The following AZIN2 variants were observed in gnomAD, a reference collection of about 807,000 sequenced individuals.
AZIN2 encodes ODC antizyme inhibitor-2.
AZIN2 carries 28 observed loss-of-function variants against 47.8 expected under a neutral mutation model. That is an observed-to-expected ratio of 0.59 (90% CI 0.43 to 0.80). The LOEUF is 0.80. Among genes scored for constraint, AZIN2 ranks in the 30% least tolerant of loss-of-function variants. The probability of loss-of-function intolerance (pLI) is 0.00; values close to 1 mark genes in which losing one functional copy is unlikely to be tolerated. For synonymous variants in AZIN2, 221 were observed against 239.4 expected (o/e 0.92, Z 0.71); for missense variants, 535 against 582.5 (o/e 0.92, Z 0.84).
chr1:33,100,372 T>A (rs1643583911), intron 10 of AZIN2, among the ~76,000 whole-genome samples: 1 of 152,104 alleles, frequency 6.6e-6, no homozygotes, highest in Non-Finnish European at 1.5e-5. Flanking sequence ...ACATAATCCT[T>A]GGCTCAAGAT....
At position 33,081,959 on chromosome 1, in the gene AZIN2, A is replaced by G. The variant is rs1641309903; in HGVS notation, c.-73+147A>G. The G allele has an allele frequency of 2.4e-6, 1 of 413,662 alleles. No homozygotes were observed. The highest frequency in any genetic ancestry group is 7.3e-4 in the Middle Eastern group (1 of 1,364). 25.6% of individuals were successfully genotyped at this position (413,662 alleles called of 1,614,324 possible). A position where few individuals can be genotyped will look rare whatever the true frequency, so the allele number is the denominator to read the frequency against. ...CCAAAACAATTCATCCATTTTACAG[A>G]GGGAGCAACTGACTCGGAGAGGCAG... On this transcript the variant is annotated intron_variant, in intron 3 of 11. Coordinates refer to ENST00000294517, the MANE Select transcript of AZIN2 (RefSeq NM_052998.4). This position sits in a 1 kb window ranked among gnomAD's most constrained non-coding sequence, Gnocchi z 4.2.
At chr1:33,158,519 G>T in the AZIN2 span, 1 of 628,990 alleles carries the variant, frequency 1.6e-6, no homozygotes, top group East Asian at 2.8e-5. Context: ...TGCTTGTGCT[G>T]CTTCTGGCCT....
intron 5 of AZIN2, among the ~76,000 whole-genome samples, chr1:33,088,270 C>T (rs929722452): frequency 6.6e-6 from 1 of 152,172 alleles, no homozygotes; most frequent in Admixed American, 6.5e-5. Context: ...AGGGCCCCCT[C>T]AGTCTGCTGG....
chr1:33,159,612 G>C, the AZIN2 span: 3 of 1,511,040 alleles, frequency 2.0e-6, no homozygotes, highest in Admixed American at 6.2e-5. The surrounding 1 kb of genome is among the most constrained non-coding windows in gnomAD (Gnocchi z 4.2). Context: ...GATCCCATCT[G>C]CCTCCACTCC....
chr1:33,099,612 C>T (rs1481416701), intron 10 of AZIN2, among the ~76,000 whole-genome samples: 1 of 152,210 alleles, frequency 6.6e-6, no homozygotes, highest in African/African-American at 2.4e-5. Context: ...AGATGATGGT[C>T]CCAGCCCACT....
At chr1:33,137,481 A>G in the AZIN2 span, among the ~76,000 whole-genome samples, 2 of 152,218 alleles carry the variant, frequency 1.3e-5, no homozygotes, top group African/African-American at 2.4e-5. Flanking sequence ...TTGAGAGAAA[A>G]CAGAGCATTT....
At chr1:33,105,568 T>C (rs1643961458) in intron 10 of AZIN2, among the ~76,000 whole-genome samples, 1 of 152,118 alleles carries the variant, frequency 6.6e-6, no homozygotes, top group East Asian at 1.9e-4. Flanking sequence ...AAGGGGGAAC[T>C]TCCAAACACT....
chr1:33,095,885 G>A (rs183199586), intron 8 of AZIN2, among the ~76,000 whole-genome samples: 26 of 152,200 alleles, frequency 1.7e-4, no homozygotes, highest in African/African-American at 4.6e-4. Context: ...TCACCCAGGC[G>A]TGAGTGCAGT....
At chr1:33,084,155 C>T in intron 5 of AZIN2, 28 bp downstream of exon 5, 1 of 1,602,274 alleles carries the variant, frequency 6.2e-7, no homozygotes, top group South Asian at 1.1e-5. Flanking sequence ...GGTGCACTGA[C>T]CCTCCATGCC....
At chr1:33,138,598 C>T in the AZIN2 span, among the ~76,000 whole-genome samples, 6 of 137,764 alleles carry the variant, frequency 4.4e-5, no homozygotes, top group Admixed American at 8.1e-5. Flanking sequence ...GGTGACAGAG[C>T]GAGATCCTGT....
chr1:33,091,998 G>A (rs907654006), intron 5 of AZIN2, 52 bp from the exon 6 acceptor site: 26 of 1,584,336 alleles, frequency 1.6e-5, no homozygotes, highest in South Asian at 8.1e-5. Flanking sequence ...CTTGGGCTCC[G>A]TGGGCTAGCA....
rs78977055 is a variant in AZIN2 at position 33,104,329 on chromosome 1, G to A, written c.1029+6150G>A. 3.1e-3 allele frequency among the ~76,000 whole-genome samples: 474 copies of A among 152,260 alleles called. 14 individuals carry two copies. In the East Asian group the frequency reaches 0.08, roughly 26 times the overall value. ...GAAGTTTTTTCTTGCACATAGAAATGAGCTTGCATATGCATGTGTGCATGT... is the reference window on the plus strand; with the variant it reads ...GAAGTTTTTTCTTGCACATAGAAATAAGCTTGCATATGCATGTGTGCATGT... On this transcript the variant is annotated intron_variant, in intron 10 of 11. Transcript: ENST00000294517.
the AZIN2 span, among the ~76,000 whole-genome samples, chr1:33,130,152 C>G: frequency 6.6e-6 from 1 of 152,188 alleles, no homozygotes; most frequent in Non-Finnish European, 1.5e-5. Context: ...AACCACTGCA[C>G]CTGGCCGTAG....
At chr1:33,140,799 C>T in the AZIN2 span, among the ~76,000 whole-genome samples, 1 of 152,200 alleles carries the variant, frequency 6.6e-6, no homozygotes. The surrounding 1 kb of genome is among the most constrained non-coding windows in gnomAD (Gnocchi z 4.0). Flanking sequence ...CCAGCTCTCT[C>T]TTCTCCTTGG....
intron 10 of AZIN2, among the ~76,000 whole-genome samples, chr1:33,105,365 A>G (rs185638250): frequency 1.2e-4 from 18 of 152,330 alleles, no homozygotes; most frequent in African/African-American, 4.1e-4. Flanking sequence ...GTGCTCTAAA[A>G]TAATACATAT....
chr1:33,103,247 G>C (rs967903890), intron 10 of AZIN2, among the ~76,000 whole-genome samples: 1 of 152,014 alleles, frequency 6.6e-6, no homozygotes, highest in Admixed American at 6.5e-5. Flanking sequence ...ATAAAACCTA[G>C]ACTCCTTACC....
At chr1:33,162,273 A>T in the AZIN2 span, among the ~76,000 whole-genome samples, 1 of 152,100 alleles carries the variant, frequency 6.6e-6, no homozygotes, top group Non-Finnish European at 1.5e-5. Flanking sequence ...CCCTAGCGCC[A>T]CTGCATTGCA....
chr1:33,105,425 G>A (rs983725613), intron 10 of AZIN2, among the ~76,000 whole-genome samples: 1 of 152,204 alleles, frequency 6.6e-6, no homozygotes, highest in Admixed American at 6.5e-5. Flanking sequence ...GAATACCCAA[G>A]AATGGGTAAT....
At chr1:33,143,351 G>C in the AZIN2 span, 1 of 152,294 alleles carries the variant, frequency 6.6e-6, no homozygotes, top group Admixed American at 6.5e-5. Flanking sequence ...CGCCATGGAG[G>C]GGGTGCTCCG....
Sources: gnomAD v4.1 joint callset for allele counts (sites outside exome capture counted in the v4.1 genomes callset) on GRCh38, gnomAD v4.1.1 for gene constraint, Gnocchi (gnomAD v3.1) non-coding constraint, MANE v1.5 for transcripts, NCBI Gene and HGNC (gene_info 2026-07-23, HGNC 2026-07-21) for gene names.